Variants in NAALADL2 observed in about 807,000 individuals in gnomAD.
The protein encoded by NAALADL2 is inactive N-acetylated-alpha-linked acidic dipeptidase-like protein 2.
NAALADL2 carries 76 observed loss-of-function variants against 87.2 expected under a neutral mutation model. That is an observed-to-expected ratio of 0.87 (90% CI 0.72 to 1.05). The LOEUF (loss-of-function observed/expected upper bound fraction) is 1.05, where lower values mean the gene tolerates loss of function less well. NAALADL2 is among the 50% of genes least tolerant of loss of function. The pLI, the probability that NAALADL2 is intolerant of heterozygous loss-of-function variation, is 0.00. For missense variants in NAALADL2, 1,089 were observed against 945.8 expected, an observed-to-expected ratio of 1.15 and a Z score of -1.99; for synonymous variants, 354 against 331.0, an observed-to-expected ratio of 1.07 and a Z score of -0.75.
At chr3:175,668,889 C>G (rs116031410) in intron 11 of NAALADL2, among the ~76,000 whole-genome samples, 76 of 152,190 alleles carry the variant, frequency 5.0e-4, no homozygotes, top group African/African-American at 1.7e-3. Context: ...TTAAAATGGA[C>G]ATTAATTAAT....
At chr3:175,064,214 A>T (rs116355537) in intron 1 of NAALADL2, among the ~76,000 whole-genome samples, 91 of 150,576 alleles carry the variant, frequency 6.0e-4, no homozygotes, top group Non-Finnish European at 1.1e-3. Context: ...GAGATTTGCC[A>T]TGAAGAAAAT....
intron 13 of NAALADL2, among the ~76,000 whole-genome samples, chr3:175,769,362 G>C (rs997090931): frequency 6.6e-6 from 1 of 152,172 alleles, no homozygotes; most frequent in African/African-American, 2.4e-5. Context: ...CAATTGTCTT[G>C]AAGGAAAGAA....
intron 9 of NAALADL2, among the ~76,000 whole-genome samples, chr3:175,491,412 AATAGT>A (rs954789601): frequency 3.3e-5 from 5 of 151,912 alleles, no homozygotes; most frequent in Non-Finnish European, 7.4e-5. Flanking sequence ...AAAGCTTCTT[AATAGT>A]TTGTCTTTTG....
chr3:175,199,845 TATATATATATATATATATA>T (rs1378880476), intron 2 of NAALADL2, among the ~76,000 whole-genome samples: 27 of 17,260 alleles, frequency 1.6e-3, no homozygotes, highest in South Asian at 3.9e-3. Flanking sequence ...TATATATATA[TATATATATATATATATATA>T]TTTTTTTTTT....
At chr3:175,001,542 A>G (rs188994155) in intron 1 of NAALADL2, among the ~76,000 whole-genome samples, 10 of 152,302 alleles carry the variant, frequency 6.6e-5, no homozygotes, top group African/African-American at 2.4e-4. Context: ...CCTTTTGCCA[A>G]TCTGAGTTAT....
intron 11 of NAALADL2, among the ~76,000 whole-genome samples, chr3:175,654,714 T>C (rs1049684884): frequency 1.3e-5 from 2 of 152,184 alleles, no homozygotes; most frequent in African/African-American, 4.8e-5. Flanking sequence ...CTTATGCTGG[T>C]TTCATTTATT....
chr3:174,827,972 C>T (rs1301060256), intron 3 of NAALADL2, among the ~76,000 whole-genome samples: 29 of 152,036 alleles, frequency 1.9e-4, no homozygotes, highest in Admixed American at 1.8e-3. Context: ...CGCTTGAGGC[C>T]AGGAGTTTGA....
chr3:175,406,963 C>T (rs760780563), intron 5 of NAALADL2, among the ~76,000 whole-genome samples: 2 of 151,960 alleles, frequency 1.3e-5, no homozygotes, highest in Non-Finnish European at 2.9e-5. Context: ...GGCGGATCAT[C>T]AGAGATCAGG....
intron 2 of NAALADL2, among the ~76,000 whole-genome samples, chr3:175,147,028 G>A (rs1296585567): frequency 6.6e-6 from 1 of 151,964 alleles, no homozygotes; most frequent in East Asian, 1.9e-4. Context: ...CTTTTTTTAG[G>A]AAAACTCAAC....
intron 1 of NAALADL2, among the ~76,000 whole-genome samples, chr3:174,865,012 A>G (rs1298110884): frequency 2.0e-5 from 3 of 152,054 alleles, no homozygotes; most frequent in Admixed American, 6.6e-5. Context: ...GTATGTGTCA[A>G]TAGTTTTATT....
At position 175,059,570 on chromosome 3, in the gene NAALADL2, A is replaced by G. The variant is rs1712991629; in HGVS notation, c.44-37220A>G. ...TCTAACACATTCCTCTAGTTTTGCC[A>G]TATCTGCCACATCATCCCACGGTTT... On this transcript the variant is annotated intron_variant, in intron 1 of 13. Transcript: ENST00000454872. The G allele has an allele frequency of 1.6e-5, 5 of 306,148 alleles. No individual in the cohort carries two copies. In the South Asian group the frequency reaches 1.9e-4, roughly 11 times the overall value. The allele number at this position is 306,148 out of a possible 1,614,324, so 19.0% of individuals were successfully genotyped here.
intron 5 of NAALADL2, among the ~76,000 whole-genome samples, chr3:175,433,494 A>G (rs1405611134): frequency 6.6e-6 from 1 of 151,986 alleles, no homozygotes; most frequent in Non-Finnish European, 1.5e-5. Context: ...TACCATTCCT[A>G]TCCCTTAAGA....
chr3:174,489,837 T>TCCTTATATGTAGCAAGTATCGTAC (rs1718072057), intron 1 of NAALADL2, among the ~76,000 whole-genome samples: 2 of 152,000 alleles, frequency 1.3e-5, no homozygotes, highest in South Asian at 4.1e-4. Flanking sequence ...GAAATGGGAA[T>TCCTTATATGTAGCAAGTATCGTAC]CCTTATATGT....
upstream of NAALADL2, among the ~76,000 whole-genome samples, chr3:174,855,824 A>G (rs927919835): frequency 6.7e-6 from 1 of 148,866 alleles, no homozygotes; most frequent in Admixed American, 6.7e-5. Flanking sequence ...ACACACATGT[A>G]TATGTCTCAT....
At chr3:175,733,502 G>A (rs1744070006) in intron 11 of NAALADL2, among the ~76,000 whole-genome samples, 1 of 152,156 alleles carries the variant, frequency 6.6e-6, no homozygotes. Context: ...CCCACAACAT[G>A]TGGAATTATG....
chr3:175,067,598 G>T (rs1449298891), intron 1 of NAALADL2, among the ~76,000 whole-genome samples: 1 of 152,080 alleles, frequency 6.6e-6, no homozygotes, highest in Non-Finnish European at 1.5e-5. Flanking sequence ...AATAACAGAT[G>T]CTGCAGGGCT....
intron 10 of NAALADL2, among the ~76,000 whole-genome samples, chr3:175,611,269 G>T (rs1050242565): frequency 6.6e-6 from 1 of 152,044 alleles, no homozygotes; most frequent in African/African-American, 2.4e-5. Context: ...AATTAAATTT[G>T]CACACTCAAC....
intron 11 of NAALADL2, among the ~76,000 whole-genome samples, chr3:175,634,931 A>T (rs1351141097): frequency 6.6e-6 from 1 of 152,006 alleles, no homozygotes; most frequent in Non-Finnish European, 1.5e-5. Flanking sequence ...AAAAAATCCC[A>T]AATATGTATT....
intron 5 of NAALADL2, among the ~76,000 whole-genome samples, chr3:175,345,168 G>A (rs1033549032): frequency 1.3e-5 from 2 of 152,072 alleles, no homozygotes; most frequent in African/African-American, 4.8e-5. Flanking sequence ...AAGCTAGTCA[G>A]TTATATATTA....
Sources: gnomAD v4.1 joint callset for allele counts (sites outside exome capture counted in the v4.1 genomes callset) on GRCh38, gnomAD v4.1.1 for gene constraint, MANE v1.5 for transcripts, NCBI Gene and HGNC (gene_info 2026-07-23, HGNC 2026-07-21) for gene names.